SNAPC4: variants seen among roughly 807,000 people sequenced by gnomAD.
SNAPC4 encodes the protein small nuclear RNA activating complex polypeptide 4, also known as snRNA-activating protein complex subunit 4.
A neutral mutation model predicts 151.3 loss-of-function variants in SNAPC4; 127 were observed. The ratio of observed to expected loss-of-function variants is 0.84; its 90% CI spans 0.73 to 0.97. The LOEUF is 0.97. Among genes scored for constraint, SNAPC4 ranks in the 50% least tolerant of loss-of-function variants. The pLI is 0.00. For synonymous variants in SNAPC4, 1,002 were observed against 824.4 expected (o/e 1.22, Z -3.69); for missense variants, 2,186 against 1,935.0 (o/e 1.13, Z -2.43).
At position 136,378,381 on chromosome 9, in the gene SNAPC4, C is replaced by G. The variant is rs767692249; in HGVS notation, c.3446G>C (p.Arg1149Thr). The change falls in exon 22 of 24, where the codon AGG becomes ACG. Residue 1149 changes from arginine (R) to threonine (T), a missense_variant. Physicochemically the swap from Arg to Thr is moderately conservative, Grantham distance 71 (BLOSUM62 -1). Coordinates refer to ENST00000684778, the MANE Select transcript of SNAPC4 (RefSeq NM_003086.4). ...NMNREPEPSCRTDTPAPPTHA... is the reference protein window; with the variant it reads ...NMNREPEPSCTTDTPAPPTHA... ...TGTGGGAGGAGCTGGGGTGTCTGTC[C>G]TGCAGGAAGGCTCCGGTTCCCTGTT... 16 of 1,610,944 alleles carry G rather than the reference C, an allele frequency of 9.9e-6. 1 individual carries two copies. The South Asian group carries it at 1.7e-4, about 17-fold the overall frequency.
Position 136,379,839 on chromosome 9 carries a change from G to A in SNAPC4, c.2525C>T (p.Pro842Leu), listed in dbSNP as rs770859239. The part of the protein sequence containing the change: ...LQASSSAQST[P>L]GHLFPNVPAQ... ...CCAGGGCAGAGAAGCAGAGTTACCT[G>A]GGGTGCTCTGGGCACTTGAGGATGC... The change falls in exon 21 of 24, where the codon CCA becomes CTA. Residue 842 changes from proline to leucine, a missense_variant and splice_region_variant. Transcript: ENST00000684778. The A allele has an allele frequency of 1.2e-6, 2 of 1,613,176 alleles. No individual in the cohort carries two copies. Among genetic ancestry groups the A allele is most frequent in the Non-Finnish European group, 1.7e-6 (2 of 1,179,606 alleles).
intron 8 of SNAPC4, 29 bp downstream of exon 8, chr9:136,392,644 C>G (rs778698867): frequency 1.9e-6 from 3 of 1,612,854 alleles, no homozygotes; most frequent in Middle Eastern, 1.7e-4. Flanking sequence ...TGTGGGCTCC[C>G]CTGGGCCCTC....
intron 7 of SNAPC4, among the ~76,000 whole-genome samples, chr9:136,393,440 T>C (rs1834150774): frequency 1.3e-5 from 2 of 152,280 alleles, no homozygotes; most frequent in East Asian, 1.9e-4. Flanking sequence ...GCTGGGTCTC[T>C]GGGCTCTGGG....
intron 21 of SNAPC4, 117 bp downstream of exon 21, chr9:136,379,720 G>C: frequency 1.0e-6 from 1 of 969,854 alleles, no homozygotes; most frequent in Non-Finnish European, 1.6e-6. Flanking sequence ...TCTGTCACCA[G>C]GGGCCACAGG....
At chr9:136,387,101 A>T (rs1013595572) in intron 13 of SNAPC4, among the ~76,000 whole-genome samples, 1 of 152,356 alleles carries the variant, frequency 6.6e-6, no homozygotes, top group South Asian at 2.1e-4. Context: ...ATCTCAACGA[A>T]GCTGTTTTTG....
In SNAPC4 at chr9:136,383,222, G is replaced by A. The variant is rs1200406111; in HGVS notation, c.1947C>T (p.Asp649=). The A allele has an allele frequency of 3.8e-6, 6 of 1,567,232 alleles. No individual in the cohort carries two copies. Among genetic ancestry groups the A allele is most frequent in the Non-Finnish European group, 2.6e-6 (3 of 1,158,662 alleles). ...PRSAQASHSA[D]TRPAGAEKQA... ...GCTTCTCTGCGCCCGCCGGGCGAGT[G>A]TCTGCTGAGTGGGAGGCCTGGGCAG... Residue 649 remains aspartate, a synonymous_variant, in exon 16 of 24, where the codon GAC becomes GAT. Coordinates refer to ENST00000684778, the MANE Select transcript of SNAPC4 (RefSeq NM_003086.4). This position sits in a 1 kb window ranked among gnomAD's most constrained non-coding sequence, Gnocchi z 4.2.
intron 13 of SNAPC4, 93 bp downstream of exon 13, chr9:136,387,392 C>T (rs1833924819): frequency 9.8e-6 from 9 of 915,626 alleles, no homozygotes; most frequent in Admixed American, 5.2e-5. Flanking sequence ...CAGCGCTGGC[C>T]GCTGTCCCCC....
intron 13 of SNAPC4, 53 bp downstream of exon 13, chr9:136,387,432 C>G: frequency 7.8e-7 from 1 of 1,283,356 alleles, no homozygotes. Flanking sequence ...CCAGAGTGCA[C>G]CTGGTCAGTG....
At chr9:136,390,770 AG>A (rs1834043490) in intron 10 of SNAPC4, among the ~76,000 whole-genome samples, 1 of 152,082 alleles carries the variant, frequency 6.6e-6, no homozygotes, top group Admixed American at 6.5e-5. Context: ...GATTAAAAAA[AG>A]TTATGTGTAC....
At chr9:136,386,109 A>G (rs1481604235) in intron 13 of SNAPC4, among the ~76,000 whole-genome samples, 4 of 151,048 alleles carry the variant, frequency 2.6e-5, no homozygotes, top group African/African-American at 9.7e-5. Flanking sequence ...CAACGCACAA[A>G]GGTTTCAATT....
Position 136,380,659 on chromosome 9 carries a change from G to C in SNAPC4, c.2499+81C>G, listed in dbSNP as rs1006734272. ...GGCTGCGGTGGAGCGGGTGGGGCGG[G>C]CAGCCAGCCTCCGTGGAAACCCACT... On this transcript the variant is annotated intron_variant, in intron 20 of 23. Coordinates refer to ENST00000684778, the MANE Select transcript of SNAPC4 (RefSeq NM_003086.4). The C allele has an allele frequency of 1.2e-5, 9 of 769,438 alleles. No homozygotes were observed. The African/African-American group carries it at 1.4e-4, about 12-fold the overall frequency. 47.7% of individuals were successfully genotyped at this position (769,438 alleles called of 1,614,324 possible).
At chr9:136,394,135 C>CT (rs2131510312) in intron 7 of SNAPC4, 114 bp downstream of exon 7, 1 of 864,874 alleles carries the variant, frequency 1.2e-6, no homozygotes, top group East Asian at 2.4e-5. Context: ...CCAGGCTGGG[C>CT]TTGAACTGGG....
intron 10 of SNAPC4, among the ~76,000 whole-genome samples, chr9:136,391,707 C>T (rs1297001822): frequency 2.6e-5 from 4 of 152,188 alleles, no homozygotes; most frequent in East Asian, 3.8e-4. Context: ...GGGCATGCAC[C>T]GCTGCATGGG....
intron 6 of SNAPC4, among the ~76,000 whole-genome samples, 158 bp downstream of exon 6, chr9:136,394,642 G>A (rs1477984271): frequency 6.6e-6 from 1 of 152,246 alleles, no homozygotes; most frequent in Non-Finnish European, 1.5e-5. Context: ...GTGTGGAAAG[G>A]CAGGAGTCAA....
intron 10 of SNAPC4, among the ~76,000 whole-genome samples, chr9:136,389,008 G>C (rs1169589471): frequency 6.6e-6 from 1 of 152,200 alleles, no homozygotes; most frequent in African/African-American, 2.4e-5. Flanking sequence ...GAGCTCTAGA[G>C]TATCTCTCAG....
In SNAPC4 at chr9:136,378,836, C is replaced by A; in HGVS notation, c.2991G>T (p.Glu997Asp). The change falls in exon 22 of 24, where the codon GAG (glutamate) becomes GAT (aspartate). Residue 997 changes from glutamate to aspartate, a missense_variant. Glu to Asp is a conservative substitution (Grantham distance 45). Transcript: ENST00000684778. ...LPLAPVFSEA[E>D]GTAPAASQAP... ...CTTGGGAAGCAGCAGGGGCTGTGCC[C>A]TCGGCCTCTGAGAAGACAGGAGCGA... 6.2e-7 allele frequency: 1 copy of A among 1,602,746 alleles called. No individual in the cohort carries two copies.
rs1388256000 is a variant in SNAPC4, at chr9:136,396,965, G to A, written c.177+12C>T. On this transcript the variant is annotated intron_variant, in intron 3 of 23. Transcript: ENST00000684778. Reference sequence around the variant, plus strand: ...TGACCCAGTGGCACAGCCAGATCAGGCCAACAGTTACCGAGATCGGGGGAT... The same window carrying A: ...TGACCCAGTGGCACAGCCAGATCAGACCAACAGTTACCGAGATCGGGGGAT... The A allele has an allele frequency of 1.2e-6, 2 of 1,612,376 alleles. No homozygotes were observed. Among genetic ancestry groups the A allele is most frequent in the Non-Finnish European group, 1.7e-6 (2 of 1,179,388 alleles).
chr9:136,382,599 C>T (rs1833739962), intron 16 of SNAPC4, among the ~76,000 whole-genome samples: 2 of 152,236 alleles, frequency 1.3e-5, no homozygotes, highest in Admixed American at 6.5e-5. Context: ...GCAGCCCTTC[C>T]AGGTGACGCC....
At chr9:136,394,221 C>T (rs762946399) in intron 7 of SNAPC4, 28 bp downstream of exon 7, 8 of 1,580,242 alleles carry the variant, frequency 5.1e-6, no homozygotes, top group South Asian at 2.2e-5. Flanking sequence ...GCCTGAAGAC[C>T]GTTTTTGACT....
Sources: gnomAD v4.1 joint callset for allele counts (sites outside exome capture counted in the v4.1 genomes callset) on GRCh38, gnomAD v4.1.1 for gene constraint, Gnocchi (gnomAD v3.1) non-coding constraint, MANE v1.5 for transcripts, NCBI Gene and HGNC (gene_info 2026-07-23, HGNC 2026-07-21) for gene names.